The following CDON variants were observed in gnomAD, a reference collection of about 807,000 sequenced individuals.
CDON encodes cell adhesion molecule-related/down-regulated by oncogenes.
CDON carries 73 observed loss-of-function variants against 120.9 expected under a neutral mutation model. The ratio of observed to expected loss-of-function variants is 0.60; its 90% CI spans 0.50 to 0.73. The LOEUF is 0.73. CDON is among the 30% of genes least tolerant of loss of function. CDON has a pLI of 0.00. For synonymous variants in CDON, 566 were observed against 573.5 expected (o/e 0.99, Z 0.19); for missense variants, 1,470 against 1,587.3 (o/e 0.93, Z 1.26).
intron 1 of CDON, among the ~76,000 whole-genome samples, chr11:126,042,641 G>A (rs945323227): frequency 5.3e-5 from 8 of 152,148 alleles, no homozygotes; most frequent in African/African-American, 1.9e-4. Context: ...TTATTTTTGA[G>A]ACGGGAGTCT....
intron 1 of CDON, among the ~76,000 whole-genome samples, chr11:126,031,647 T>C (rs1947947452): frequency 6.6e-6 from 1 of 152,240 alleles, no homozygotes; most frequent in Non-Finnish European, 1.5e-5. Flanking sequence ...ATTCTACTAA[T>C]CTTCTGTCTG....
intron 16 of CDON, among the ~76,000 whole-genome samples, chr11:125,982,877 T>C (rs757883301): frequency 7.9e-5 from 12 of 152,100 alleles, no homozygotes; most frequent in Non-Finnish European, 1.6e-4. Flanking sequence ...TCTCTTTTCA[T>C]GATTCAACAC....
At chr11:125,974,587 A>T (rs1231082718) in intron 18 of CDON, among the ~76,000 whole-genome samples, 6 of 152,198 alleles carry the variant, frequency 3.9e-5, no homozygotes, top group Non-Finnish European at 2.9e-5. Context: ...TAATAAAAGC[A>T]AATAAATGCA....
intron 1 of CDON, among the ~76,000 whole-genome samples, chr11:126,052,680 G>A (rs1057362555): frequency 2.0e-5 from 3 of 152,036 alleles, no homozygotes; most frequent in African/African-American, 4.8e-5. Flanking sequence ...AAAATTAGCC[G>A]GGCATGGTGG....
chr11:125,956,941 G>A lies in CDON; in HGVS notation c.*4001C>T. 1.2e-6 allele frequency: 1 copy of A among 810,796 alleles called. No homozygotes were observed. Among genetic ancestry groups the A allele is most frequent in the Non-Finnish European group, 1.5e-6 (1 of 670,574 alleles). 50.2% of individuals were successfully genotyped at this position (810,796 alleles called of 1,614,324 possible). ...AAATATGGGAAATAAAATACAAAAG[G>A]GCCACACCCGATGCAAAAGACTTTG... On this transcript the variant is annotated 3_prime_UTR_variant, in exon 20 of 20. Coordinates refer to ENST00000531738, the MANE Select transcript of CDON (RefSeq NM_001378964.1).
chr11:126,053,383 C>T (rs1376220852), intron 1 of CDON, among the ~76,000 whole-genome samples: 1 of 152,178 alleles, frequency 6.6e-6, no homozygotes, highest in Non-Finnish European at 1.5e-5. Context: ...GATGCTAGGA[C>T]ACCAAACCGA....
At chr11:126,009,644 C>T (rs1346305143) in intron 8 of CDON, among the ~76,000 whole-genome samples, 1 of 152,198 alleles carries the variant, frequency 6.6e-6, no homozygotes, top group Non-Finnish European at 1.5e-5. Context: ...AAAGGCAGTA[C>T]TGCCTTTGAT....
At chr11:126,043,526 C>G (rs1208308546) in intron 1 of CDON, among the ~76,000 whole-genome samples, 1 of 152,216 alleles carries the variant, frequency 6.6e-6, no homozygotes, top group East Asian at 1.9e-4. Flanking sequence ...TCAGGACCCT[C>G]TACCAGTGAC....
intron 1 of CDON, among the ~76,000 whole-genome samples, chr11:126,058,949 T>C (rs1459515065): frequency 1.3e-5 from 2 of 152,188 alleles, no homozygotes; most frequent in African/African-American, 4.8e-5. Context: ...TCAGAAACAC[T>C]AGAAATGATA....
intron 17 of CDON, among the ~76,000 whole-genome samples, chr11:125,978,706 CA>C (rs1418862600): frequency 2.0e-5 from 3 of 152,124 alleles, no homozygotes; most frequent in African/African-American, 7.2e-5. Flanking sequence ...CTAGTGGGCT[CA>C]AAATACATTA....
chr11:125,991,486 C>A (rs1455293906), intron 14 of CDON, among the ~76,000 whole-genome samples: 1 of 152,094 alleles, frequency 6.6e-6, no homozygotes, highest in African/African-American at 2.4e-5. Flanking sequence ...ATATTCAACA[C>A]CAAAACACAG....
At chr11:126,059,297 AC>A (rs1369318787) in intron 1 of CDON, among the ~76,000 whole-genome samples, 1 of 152,236 alleles carries the variant, frequency 6.6e-6, no homozygotes, top group Non-Finnish European at 1.5e-5. Context: ...TTCTGTACTT[AC>A]ACTGGAGTTC....
chr11:125,981,351 GAC>G (rs745512202), intron 16 of CDON, 22 bp from the exon 17 acceptor site: 50 of 1,604,594 alleles, frequency 3.1e-5, no homozygotes, highest in African/African-American at 5.4e-5. Flanking sequence ...GAACAAAAAA[GAC>G]ACACACGCAC....
At chr11:126,014,532 T>C (rs1236467680) in intron 7 of CDON, among the ~76,000 whole-genome samples, 1 of 152,204 alleles carries the variant, frequency 6.6e-6, no homozygotes, top group Non-Finnish European at 1.5e-5. Flanking sequence ...CCAACACAGA[T>C]ATGGTTTTAT....
At chr11:125,964,035 G>A (rs1945722860) in intron 18 of CDON, among the ~76,000 whole-genome samples, 1 of 152,186 alleles carries the variant, frequency 6.6e-6, no homozygotes, top group Non-Finnish European at 1.5e-5. Context: ...TGGCGAAGGT[G>A]AGCACTAATC....
chr11:126,001,023 T>C (rs1362079426), intron 11 of CDON, among the ~76,000 whole-genome samples: 1 of 152,088 alleles, frequency 6.6e-6, no homozygotes, highest in Admixed American at 6.5e-5. Context: ...ATTAACTAGA[T>C]ATAGCAAAAA....
intron 11 of CDON, among the ~76,000 whole-genome samples, chr11:126,000,920 T>C (rs571189725): frequency 6.6e-6 from 1 of 152,186 alleles, no homozygotes; most frequent in Admixed American, 6.5e-5. Flanking sequence ...AAAGCACACC[T>C]GGCTATAAGT....
intron 8 of CDON, among the ~76,000 whole-genome samples, chr11:126,008,582 G>A (rs966626518): frequency 3.3e-5 from 5 of 152,018 alleles, no homozygotes; most frequent in South Asian, 2.1e-4. Flanking sequence ...GAGGAAGTTC[G>A]ACAAAATATC....
At chr11:126,027,058 T>A (rs76737110) in intron 1 of CDON, among the ~76,000 whole-genome samples, 3,609 of 152,320 alleles carry the variant, frequency 0.024, 143 homozygotes, top group African/African-American at 0.082. Flanking sequence ...CTTTATTAAG[T>A]CTATCTTTCT....
Sources: gnomAD v4.1 joint callset for allele counts (sites outside exome capture counted in the v4.1 genomes callset) on GRCh38, gnomAD v4.1.1 for gene constraint, MANE v1.5 for transcripts, NCBI Gene and HGNC (gene_info 2026-07-23, HGNC 2026-07-21) for gene names.